The following TMEM204 variants were observed in gnomAD, a reference collection of about 807,000 sequenced individuals.
TMEM204 encodes the protein claudin-like protein 24.
Under a neutral mutation model 19.4 loss-of-function variants are expected in TMEM204, and 15 were observed. That is an observed-to-expected ratio of 0.77 (90% CI 0.52 to 1.19). The LOEUF (loss-of-function observed/expected upper bound fraction) is 1.19, where lower values mean the gene tolerates loss of function less well. Ranked by LOEUF, TMEM204 falls within the 50% of genes most tolerant of loss-of-function variation. TMEM204 has a pLI of 0.00. For synonymous variants in TMEM204, 161 were observed against 146.0 expected (o/e 1.10, Z -0.74); for missense variants, 287 against 321.2 (o/e 0.89, Z 0.81).
intron 1 of TMEM204, among the ~76,000 whole-genome samples, chr16:1,538,663 T>C (rs2031316745): frequency 6.6e-6 from 1 of 152,224 alleles, no homozygotes; most frequent in African/African-American, 2.4e-5. Flanking sequence ...GGCTTCTGAA[T>C]GGAAGTCATT....
At position 1,538,071 on chromosome 16, in the gene TMEM204, G is replaced by A. The variant is rs150202333; in HGVS notation, c.280+3516G>A. ...CACACAGGCAGCACCCCAGGAACCC[G>A]TATAACACCCAAGCAGTGAACGCCA... On this transcript the variant is annotated intron_variant, in intron 1 of 2. Transcript: ENST00000566264. 6.9e-3 allele frequency among the ~76,000 whole-genome samples: 1,055 copies of A among 152,282 alleles called. 7 individuals are homozygous for A. The highest frequency in any genetic ancestry group is 0.024 in the African/African-American group (1,003 of 41,544).
At chr16:1,536,753 C>G (rs760034006) in intron 1 of TMEM204, among the ~76,000 whole-genome samples, 1 of 152,214 alleles carries the variant, frequency 6.6e-6, no homozygotes, top group Non-Finnish European at 1.5e-5. Context: ...CCTCTCTCGC[C>G]TTCTCCTTCA....
At chr16:1,537,956 G>A (rs1024850858) in intron 1 of TMEM204, among the ~76,000 whole-genome samples, 2 of 152,188 alleles carry the variant, frequency 1.3e-5, no homozygotes, top group Non-Finnish European at 1.5e-5. Context: ...CCCCCTGCTC[G>A]GCCAGGACCC....
Position 1,553,965 on chromosome 16 carries a change from C to A in TMEM204, c.437-817C>A, listed in dbSNP as rs768066738. 2.3e-6 allele frequency: 3 copies of A among 1,287,042 alleles called. No homozygotes were observed. Among genetic ancestry groups the A allele is most frequent in the Non-Finnish European group, 2.0e-6 (2 of 988,652 alleles). The allele number at this position is 1,287,042 out of a possible 1,614,324, so 79.7% of individuals were successfully genotyped here. ...ACTGTAAGTGAAACTGTAGCATCAG[C>A]GACTAACTAGACGGGAACAAGCTGC... On this transcript the variant is annotated intron_variant, in intron 2 of 2. Coordinates refer to ENST00000566264, the MANE Select transcript of TMEM204 (RefSeq NM_024600.6). This position sits in a 1 kb window ranked among gnomAD's most constrained non-coding sequence, Gnocchi z 4.4.
chr16:1,539,266 A>G (rs562316099), intron 1 of TMEM204, among the ~76,000 whole-genome samples: 17 of 140,764 alleles, frequency 1.2e-4, no homozygotes, highest in Admixed American at 1.2e-3. Context: ...AAGCCACCCC[A>G]CACCTTGGGC....
chr16:1,537,869 G>T (rs1159795849), intron 1 of TMEM204, among the ~76,000 whole-genome samples: 1 of 152,152 alleles, frequency 6.6e-6, no homozygotes, highest in Non-Finnish European at 1.5e-5. Flanking sequence ...CCGTCACCAC[G>T]CATGCCCCGC....
intron 1 of TMEM204, among the ~76,000 whole-genome samples, chr16:1,538,159 G>A (rs1187431517): frequency 1.3e-5 from 2 of 152,240 alleles, no homozygotes; most frequent in African/African-American, 4.8e-5. Flanking sequence ...TCGGGCAGGA[G>A]TGCCTCCTTC....
At chr16:1,540,917 C>G (rs1212116260) in intron 1 of TMEM204, 1 of 985,294 alleles carries the variant, frequency 1.0e-6, no homozygotes, top group African/African-American at 1.7e-5. Flanking sequence ...GAGTGTCTGT[C>G]AGCACACACA....
At chr16:1,542,912 G>C (rs1468525424) in intron 2 of TMEM204, among the ~76,000 whole-genome samples, 1 of 152,256 alleles carries the variant, frequency 6.6e-6, no homozygotes, top group Non-Finnish European at 1.5e-5. Flanking sequence ...GGGTGACAGT[G>C]ATGGAGTTGT....
rs1319309528 is a variant in TMEM204 at position 1,554,182 on chromosome 16, C to G, written c.437-600C>G. The G allele has an allele frequency of 4.0e-5, 49 of 1,239,948 alleles. No individual in the cohort carries two copies. In the Middle Eastern group the frequency reaches 1.7e-3, roughly 44 times the overall value. The allele number at this position is 1,239,948 out of a possible 1,614,324, so 76.8% of individuals were successfully genotyped here. ...GACAAGGCCCTGGCCCCATCTCCGCCCTGCCTGAGCTGCAGACTCCAGGCC... is the reference window on the plus strand; with the variant it reads ...GACAAGGCCCTGGCCCCATCTCCGCGCTGCCTGAGCTGCAGACTCCAGGCC... On this transcript the variant is annotated intron_variant, in intron 2 of 2. Transcript: ENST00000566264.
intron 2 of TMEM204, among the ~76,000 whole-genome samples, chr16:1,552,235 G>A (rs933084687): frequency 2.0e-5 from 3 of 152,184 alleles, no homozygotes; most frequent in African/African-American, 7.2e-5. Flanking sequence ...GCCAGTTACT[G>A]CCGGTATAAC....
chr16:1,540,477 C>A (rs1407108348), intron 1 of TMEM204, among the ~76,000 whole-genome samples: 1 of 152,218 alleles, frequency 6.6e-6, no homozygotes, highest in East Asian at 1.9e-4. Flanking sequence ...CAGGCGTGCT[C>A]TGAGGAGGCA....
At chr16:1,541,291 G>A in intron 1 of TMEM204, 1 of 985,256 alleles carries the variant, frequency 1.0e-6, no homozygotes, top group Non-Finnish European at 1.2e-6. Context: ...AGGGGGGCAG[G>A]TGGGGGGCAC....
chr16:1,533,096 C>T (rs982860540), upstream of TMEM204: 1 of 149,884 alleles, frequency 6.7e-6, no homozygotes, highest in Admixed American at 6.6e-5. This position sits in a 1 kb window ranked among gnomAD's most constrained non-coding sequence, Gnocchi z 4.7. Flanking sequence ...AAGTACAGGT[C>T]CCTGGCCCCA....
At chr16:1,538,092 C>T (rs1045535772) in intron 1 of TMEM204, among the ~76,000 whole-genome samples, 24 of 152,216 alleles carry the variant, frequency 1.6e-4, no homozygotes, top group African/African-American at 5.3e-4. Flanking sequence ...AAGCAGTGAA[C>T]GCCAGCTCCA....
intron 2 of TMEM204, chr16:1,554,032 T>C (rs1457557207): frequency 1.6e-6 from 2 of 1,287,052 alleles, no homozygotes. Flanking sequence ...CCTTCTCTGG[T>C]TTCAGGCTCT....
chr16:1,554,681 G>C lies in TMEM204; in HGVS notation c.437-101G>C. Reference sequence around the variant, plus strand: ...GCTCTAGGACAGAGGGCTGGGGAAGGATAAAGCAGGCTGGAACCTGCTCTA... The same window carrying C: ...GCTCTAGGACAGAGGGCTGGGGAAGCATAAAGCAGGCTGGAACCTGCTCTA... On this transcript the variant is annotated intron_variant, in intron 2 of 2. Transcript: ENST00000566264. The C allele has an allele frequency of 2.7e-6, 4 of 1,503,556 alleles. No individual in the cohort carries two copies. The South Asian group carries it at 5.1e-5, about 19-fold the overall frequency. 93.1% of individuals were successfully genotyped at this position (1,503,556 alleles called of 1,614,324 possible). A position where few individuals can be genotyped will look rare whatever the true frequency, so the allele number is the denominator to read the frequency against.
chr16:1,535,203 C>T (rs1033807571), intron 1 of TMEM204, among the ~76,000 whole-genome samples: 2 of 152,004 alleles, frequency 1.3e-5, no homozygotes, highest in Non-Finnish European at 2.9e-5. Context: ...TCAGATGGGA[C>T]GCTGGAAAGG....
chr16:1,541,473 G>A (rs563039429), intron 1 of TMEM204: 1 of 985,398 alleles, frequency 1.0e-6, no homozygotes, highest in Admixed American at 6.1e-5. Flanking sequence ...CTGAGGAGCT[G>A]GCCCCCCGCG....
Sources: allele counts gnomAD v4.1 joint callset (sites outside exome capture counted in the v4.1 genomes callset), GRCh38; gene constraint gnomAD v4.1.1; non-coding constraint Gnocchi (gnomAD v3.1); transcripts MANE v1.5; gene names NCBI Gene and HGNC (gene_info 2026-07-23, HGNC 2026-07-21).